Variants in SCUBE2 observed in about 807,000 individuals in gnomAD.
SCUBE2 encodes signal peptide, CUB and EGF-like domain-containing protein 2.
Under a neutral mutation model 125.9 loss-of-function variants are expected in SCUBE2, and 114 were observed. The observed-to-expected ratio is 0.91, with a 90% CI of 0.78 to 1.06. SCUBE2 has a LOEUF of 1.06. SCUBE2 is among the 50% of genes least tolerant of loss of function. The probability of loss-of-function intolerance (pLI) is 0.00; values close to 1 mark genes in which losing one functional copy is unlikely to be tolerated. For missense variants in SCUBE2, 1,255 were observed against 1,301.8 expected (o/e 0.96, Z 0.55); for synonymous variants, 459 against 492.9 (o/e 0.93, Z 0.91).
intron 16 of SCUBE2, among the ~76,000 whole-genome samples, chr11:9,044,168 G>T (rs539375162): frequency 1.3e-5 from 2 of 152,292 alleles, no homozygotes; most frequent in African/African-American, 4.8e-5. Context: ...AAGAAATGAG[G>T]TTGCTCCGCT....
intron 2 of SCUBE2, among the ~76,000 whole-genome samples, chr11:9,086,457 A>G (rs2135989110): frequency 6.6e-6 from 1 of 152,344 alleles, no homozygotes; most frequent in East Asian, 1.9e-4. Flanking sequence ...ACATCTTTGT[A>G]TATCTACATC....
intron 2 of SCUBE2, among the ~76,000 whole-genome samples, chr11:9,088,307 G>A (rs1486341894): frequency 6.6e-6 from 1 of 152,222 alleles, no homozygotes; most frequent in Non-Finnish European, 1.5e-5. Context: ...GGCCAACATG[G>A]TGAAACCCCG....
intron 7 of SCUBE2, chr11:9,064,816 T>C (rs771618978): frequency 2.0e-5 from 3 of 152,196 alleles, no homozygotes; most frequent in Non-Finnish European, 4.4e-5. Flanking sequence ...CCAGAAACTG[T>C]CAAAAGATGG....
chr11:9,033,814 A>C lies in SCUBE2; in HGVS notation c.2003-18T>G. 2 of 1,613,634 alleles carry C rather than the reference A, an allele frequency of 1.2e-6. No homozygotes were observed. The highest frequency in any genetic ancestry group is 1.1e-5 in the South Asian group (1 of 91,020). On this transcript the variant is annotated intron_variant, in intron 16 of 22. Transcript: ENST00000649792. Reference sequence around the variant, plus strand: ...GCAACTGACTAGCCAAAAGGGAAACAACCTGGTCAGTGTGGACACAAAGGC... The same window carrying C: ...GCAACTGACTAGCCAAAAGGGAAACCACCTGGTCAGTGTGGACACAAAGGC...
intron 19 of SCUBE2, 27 bp from the exon 20 acceptor site, chr11:9,027,588 G>A: frequency 6.3e-7 from 1 of 1,594,148 alleles, no homozygotes; most frequent in South Asian, 1.1e-5. Context: ...CCCGAGTTAT[G>A]GCACGACACT....
chr11:9,052,480 T>C (rs1298391501), intron 13 of SCUBE2, among the ~76,000 whole-genome samples: 1 of 152,188 alleles, frequency 6.6e-6, no homozygotes, highest in Non-Finnish European at 1.5e-5. Context: ...GGTCCTGGGG[T>C]TCTGTGGGCC....
intron 7 of SCUBE2, among the ~76,000 whole-genome samples, chr11:9,062,849 A>C (rs1323903568): frequency 2.1e-5 from 3 of 141,982 alleles, no homozygotes; most frequent in Non-Finnish European, 4.7e-5. Flanking sequence ...CAAGGGAGAG[A>C]AAAGAAAAAA....
At position 9,030,893 on chromosome 11, in the gene SCUBE2, C is replaced by T; in HGVS notation, c.2206G>A (p.Gly736Ser). 6.2e-7 allele frequency: 1 copy of T among 1,614,068 alleles called. No homozygotes were observed. Residue 736 changes from glycine (G) to serine (S), a missense_variant, in exon 18 of 23, where the codon GGC (glycine) becomes AGC (serine). By Grantham distance (56) the Gly-to-Ser change is moderately conservative (BLOSUM62 0). Around this residue, in one of 3 missense-constraint regions of SCUBE2, gnomAD observed 515 missense variants for 515.7 expected, o/e 1.00. Coordinates refer to ENST00000649792, the MANE Select transcript of SCUBE2 (RefSeq NM_001367977.2). ...LCQPGEYSAD[G>S]FAPCQLCALG... is the part of the protein sequence containing the mutation. ...GCACAGAGCTGGCAAGGTGCAAAGC[C>T]ATCTGCAGAATATTCACCAGGTTGA...
chr11:9,089,614 G>A (rs1862442741), intron 2 of SCUBE2, 93 bp downstream of exon 2: 3 of 1,391,630 alleles, frequency 2.2e-6, no homozygotes, highest in Non-Finnish European at 9.9e-7. Context: ...GGAGAGGAGG[G>A]GCAGTACTTT....
chr11:9,050,640 C>T lies in SCUBE2; in HGVS notation c.1605G>A (p.Glu535=), dbSNP rs1858258713. The T allele has an allele frequency of 6.2e-7, 1 of 1,614,176 alleles. No individual in the cohort carries two copies. Among genetic ancestry groups the T allele is most frequent in the Non-Finnish European group, 8.5e-7 (1 of 1,179,998 alleles). ...CTGGTCGCAGACCCTCGGGAAACAG[C>T]TCAGCATTTTTCAAACTACACTTGC... ...NEGKCSLKNA[E]LFPEGLRPAL... Residue 535 remains glutamate (E), a synonymous_variant, in exon 14 of 23, where the codon GAG becomes GAA. Coordinates refer to ENST00000649792, the MANE Select transcript of SCUBE2 (RefSeq NM_001367977.2).
intron 4 of SCUBE2, among the ~76,000 whole-genome samples, chr11:9,070,032 C>G (rs146431038): frequency 6.6e-6 from 1 of 152,164 alleles, no homozygotes; most frequent in Non-Finnish European, 1.5e-5. Flanking sequence ...CCACATGCCC[C>G]GGGATCTGTC....
chr11:9,084,719 T>A (rs776190828), intron 2 of SCUBE2, among the ~76,000 whole-genome samples: 2 of 152,082 alleles, frequency 1.3e-5, no homozygotes, highest in Admixed American at 6.5e-5. Context: ...AATTTTATCA[T>A]GAAAAAAACA....
intron 16 of SCUBE2, among the ~76,000 whole-genome samples, chr11:9,044,411 A>G (rs1160283514): frequency 6.6e-6 from 1 of 152,024 alleles, no homozygotes; most frequent in Non-Finnish European, 1.5e-5. Context: ...ACCAACCAAC[A>G]TAGTGAGACA....
intron 15 of SCUBE2, 115 bp from the exon 16 acceptor site, chr11:9,047,677 G>C: frequency 9.2e-7 from 1 of 1,084,844 alleles, no homozygotes; most frequent in Non-Finnish European, 1.3e-6. Context: ...ACCGAATGGG[G>C]AGAAACCTGG....
At chr11:9,078,859 T>C (rs1028255908) in intron 3 of SCUBE2, among the ~76,000 whole-genome samples, 1 of 152,238 alleles carries the variant, frequency 6.6e-6, no homozygotes, top group Non-Finnish European at 1.5e-5. Context: ...CAACACTCTT[T>C]GTAGTCTCTA....
At chr11:9,054,725 ATTT>A (rs1174774188) in intron 10 of SCUBE2, among the ~76,000 whole-genome samples, 584 of 22,080 alleles carry the variant, frequency 0.026, no homozygotes, top group Non-Finnish European at 0.034. Context: ...ATATATATAT[ATTT>A]TTTTTTTTTT....
At chr11:9,056,329 T>C (rs1262052360) in intron 9 of SCUBE2, among the ~76,000 whole-genome samples, 2 of 152,204 alleles carry the variant, frequency 1.3e-5, no homozygotes, top group African/African-American at 2.4e-5. Context: ...CTACGGCAAA[T>C]TGAAAGGAGA....
In SCUBE2 at chr11:9,083,576, A is replaced by G. The variant is rs1302146927; in HGVS notation, c.257-4067T>C. 2.0e-5 allele frequency among the ~76,000 whole-genome samples: 3 copies of G among 148,350 alleles called. No individual in the cohort carries two copies. The East Asian group carries it at 5.9e-4, about 29-fold the overall frequency. On this transcript the variant is annotated intron_variant, in intron 2 of 22. Transcript: ENST00000649792. Reference sequence around the variant, plus strand: ...ATGAATTTTTTTTTTTTTTTTTGAGATGGAGTCTCACTCTGTCACCCAGGC... The same window carrying G: ...ATGAATTTTTTTTTTTTTTTTTGAGGTGGAGTCTCACTCTGTCACCCAGGC...
chr11:9,089,656 G>A, intron 2 of SCUBE2, 51 bp downstream of exon 2: 1 of 1,597,574 alleles, frequency 6.3e-7, no homozygotes, highest in South Asian at 1.1e-5. Flanking sequence ...CAAGAGCTAA[G>A]GAGGTAGGAG....
Sources: allele counts gnomAD v4.1 joint callset (sites outside exome capture counted in the v4.1 genomes callset), GRCh38; gene constraint gnomAD v4.1.1; regional missense constraint gnomAD v4.1.1; transcripts MANE v1.5; gene names NCBI Gene and HGNC (gene_info 2026-07-23, HGNC 2026-07-21).